RGS8: variants seen among roughly 807,000 people sequenced by gnomAD.
The protein encoded by RGS8 is regulator of G protein signaling 8.
Under a neutral mutation model 21.7 loss-of-function variants are expected in RGS8, and 8 were observed. The ratio of observed to expected loss-of-function variants is 0.37; its 90% CI spans 0.22 to 0.66. The LOEUF is 0.66. Among genes scored for constraint, RGS8 ranks in the 30% least tolerant of loss-of-function variants. RGS8 has a pLI of 0.59. For missense variants in RGS8, 157 were observed against 217.9 expected, an observed-to-expected ratio of 0.72 and a Z score of 1.76; for synonymous variants, 80 against 83.6, an observed-to-expected ratio of 0.96 and a Z score of 0.24.
At chr1:182,682,287 C>T (rs140522310) in intron 1 of RGS8, among the ~76,000 whole-genome samples, 2 of 152,226 alleles carry the variant, frequency 1.3e-5, no homozygotes, top group East Asian at 3.9e-4. Flanking sequence ...ACAAAAAGGA[C>T]ATTTGAGGCT....
chr1:182,698,982 C>T, the RGS8 span, among the ~76,000 whole-genome samples: 6 of 151,998 alleles, frequency 3.9e-5, no homozygotes, highest in South Asian at 1.2e-3. Context: ...TTATTGTATG[C>T]CTGAAAAATA....
the RGS8 span, among the ~76,000 whole-genome samples, chr1:182,710,816 T>C: frequency 1.3e-5 from 2 of 152,130 alleles, no homozygotes; most frequent in Admixed American, 1.3e-4. Flanking sequence ...GTAATATTAT[T>C]TTCATATTAT....
At chr1:182,655,772 A>G (rs1293557552) in intron 5 of RGS8, among the ~76,000 whole-genome samples, 1 of 151,722 alleles carries the variant, frequency 6.6e-6, no homozygotes, top group East Asian at 1.9e-4. Flanking sequence ...TGTATCAGAC[A>G]CAGCTCTTAG....
intron 1 of RGS8, among the ~76,000 whole-genome samples, chr1:182,679,120 C>A (rs887517586): frequency 3.3e-5 from 5 of 152,172 alleles, no homozygotes; most frequent in African/African-American, 1.2e-4. Flanking sequence ...TGTTATTCTG[C>A]ACTTAACAAA....
At chr1:182,672,650 T>C (rs573220876), upstream of RGS8, among the ~76,000 whole-genome samples, 4 of 152,338 alleles carry the variant, frequency 2.6e-5, no homozygotes, top group South Asian at 8.3e-4. Context: ...GCCTCTCACC[T>C]GGTTTTTCCT....
At chr1:182,675,532 A>G (rs369386622), upstream of RGS8, among the ~76,000 whole-genome samples, 1 of 152,062 alleles carries the variant, frequency 6.6e-6, no homozygotes, top group Non-Finnish European at 1.5e-5. Flanking sequence ...GATGGGCTCC[A>G]TTGCACCTCC....
chr1:182,715,376 A>G, the RGS8 span, among the ~76,000 whole-genome samples: 1 of 152,212 alleles, frequency 6.6e-6, no homozygotes, highest in Admixed American at 6.5e-5. Context: ...ATTGGCACAA[A>G]AAACCTGAGC....
intron 5 of RGS8, among the ~76,000 whole-genome samples, chr1:182,658,191 T>C (rs992100062): frequency 1.3e-5 from 2 of 152,208 alleles, no homozygotes; most frequent in Non-Finnish European, 2.9e-5. Flanking sequence ...GCATGCTGCC[T>C]GTGGCTGGCT....
At chr1:182,699,885 T>C in the RGS8 span, among the ~76,000 whole-genome samples, 1 of 152,112 alleles carries the variant, frequency 6.6e-6, no homozygotes, top group African/African-American at 2.4e-5. Context: ...TCGGTTCAGC[T>C]GCTTGATTAA....
the RGS8 span, among the ~76,000 whole-genome samples, chr1:182,720,495 C>T: frequency 3.9e-5 from 6 of 152,280 alleles, no homozygotes; most frequent in South Asian, 8.3e-4. Context: ...TCAAAATCAT[C>T]CATTCATTCC....
At chr1:182,701,302 T>C in the RGS8 span, among the ~76,000 whole-genome samples, 1 of 152,232 alleles carries the variant, frequency 6.6e-6, no homozygotes, top group Admixed American at 6.5e-5. Flanking sequence ...AGATATTACA[T>C]GTATCCATGA....
upstream of RGS8, among the ~76,000 whole-genome samples, chr1:182,675,174 G>A (rs1386478413): frequency 6.6e-6 from 1 of 152,130 alleles, no homozygotes; most frequent in East Asian, 1.9e-4. Context: ...GCTTACTTGT[G>A]ACATTACTCT....
intron 3 of RGS8, among the ~76,000 whole-genome samples, chr1:182,667,884 A>G (rs1054683051): frequency 9.3e-5 from 14 of 151,316 alleles, no homozygotes; most frequent in African/African-American, 2.9e-4. Flanking sequence ...GTCTTGCTAT[A>G]TTACCCAGGC....
upstream of RGS8, chr1:182,672,381 G>A: frequency 4.0e-6 from 1 of 250,268 alleles, no homozygotes; most frequent in Non-Finnish European, 7.8e-6. Context: ...AAAGCTACAG[G>A]GCAGGTCACA....
At chr1:182,655,765 A>C (rs906423329) in intron 5 of RGS8, among the ~76,000 whole-genome samples, 1 of 152,220 alleles carries the variant, frequency 6.6e-6, no homozygotes, top group Non-Finnish European at 1.5e-5. Flanking sequence ...ATTAGCCTGT[A>C]TCAGACACAG....
the RGS8 span, among the ~76,000 whole-genome samples, chr1:182,697,933 G>A: frequency 6.6e-6 from 1 of 152,160 alleles, no homozygotes; most frequent in Non-Finnish European, 1.5e-5. Flanking sequence ...GAAAAGTAAG[G>A]CCATGAGAAC....
At chr1:182,741,117 C>G in the RGS8 span, among the ~76,000 whole-genome samples, 1 of 151,682 alleles carries the variant, frequency 6.6e-6, no homozygotes, top group East Asian at 2.0e-4. Context: ...CTCCTCACTT[C>G]CCAGTAGGCG....
At chr1:182,669,547 C>G in intron 3 of RGS8, 77 bp downstream of exon 4, 1 of 1,608,240 alleles carries the variant, frequency 6.2e-7, no homozygotes. Flanking sequence ...GGGCCAGACT[C>G]AAATAACAGA....
downstream of RGS8, chr1:182,642,817 C>T (rs1422397971): frequency 6.6e-6 from 1 of 152,212 alleles, no homozygotes; most frequent in African/African-American, 2.4e-5. Flanking sequence ...ATGGTGAGGG[C>T]TTGGAAAGGC....
Sources: allele counts gnomAD v4.1 joint callset (sites outside exome capture counted in the v4.1 genomes callset), GRCh38; gene constraint gnomAD v4.1.1; transcripts MANE v1.5; gene names NCBI Gene and HGNC (gene_info 2026-07-23, HGNC 2026-07-21).